The following MSRA variants were observed in gnomAD, a reference collection of about 807,000 sequenced individuals.
The protein encoded by MSRA is mitochondrial peptide methionine sulfoxide reductase.
MSRA carries 54 observed loss-of-function variants against 31.3 expected under a neutral mutation model. That is an observed-to-expected ratio of 1.73 (90% CI 1.39 to 2.17). The LOEUF is 2.17. Among genes scored for constraint, MSRA ranks in the 30% most tolerant of loss-of-function variants. The pLI, the probability that MSRA is intolerant of heterozygous loss-of-function variation, is 0.00. For missense variants in MSRA, 507 were observed against 300.9 expected (o/e 1.69, Z -5.07); for synonymous variants, 169 against 116.5 (o/e 1.45, Z -2.90).
At chr8:10,235,650 A>G (rs77646964) in intron 2 of MSRA, among the ~76,000 whole-genome samples, 3,109 of 152,238 alleles carry the variant, frequency 0.02, 48 homozygotes, top group Non-Finnish European at 0.033. Context: ...ATATGAATAC[A>G]TGACAATGAA....
At chr8:10,283,838 C>G (rs7460167) in intron 3 of MSRA, among the ~76,000 whole-genome samples, 1 of 63,632 alleles carries the variant, frequency 1.6e-5, no homozygotes, top group East Asian at 1.1e-3. Context: ...TATATATATA[C>G]ACACACACAC....
intron 1 of MSRA, among the ~76,000 whole-genome samples, chr8:10,194,312 A>G (rs1446844543): frequency 6.6e-6 from 1 of 152,222 alleles, no homozygotes; most frequent in East Asian, 1.9e-4. Context: ...CCTGCCTGTA[A>G]TCCCAGCACT....
chr8:10,400,391 T>C (rs78029011), intron 5 of MSRA, among the ~76,000 whole-genome samples: 12,540 of 151,104 alleles, frequency 0.083, 1,498 homozygotes, highest in African/African-American at 0.26. Context: ...GTGTAGTGTG[T>C]AGTGTGTAGG....
intron 1 of MSRA, among the ~76,000 whole-genome samples, chr8:10,127,177 T>A (rs1478172853): frequency 6.6e-6 from 1 of 152,238 alleles, no homozygotes; most frequent in African/African-American, 2.4e-5. Flanking sequence ...CCTAGAATTT[T>A]TTTTTCTTTA....
intron 2 of MSRA, among the ~76,000 whole-genome samples, chr8:10,236,234 G>A (rs1811925248): frequency 6.6e-6 from 1 of 152,162 alleles, no homozygotes; most frequent in African/African-American, 2.4e-5. Context: ...TCATTATTCA[G>A]CATTGTATGG....
Position 10,183,653 on chromosome 8 carries a change from CTT to C in MSRA, c.143-24178_143-24177del, listed in dbSNP as rs1401513852. On this transcript the variant is annotated intron_variant, in intron 1 of 5. Transcript: ENST00000317173. The stretch of plus-strand genomic sequence containing the variant: ...TCTGGCTAGGTTATTTGTCCCCACA[CTT>C]TCTTTTTTCAATCTTTTTTCCCACT... 7.2e-5 allele frequency among the ~76,000 whole-genome samples: 11 copies of C among 152,274 alleles called. No homozygotes were observed. The South Asian group carries it at 2.3e-3, about 32-fold the overall frequency.
At chr8:10,183,239 C>A (rs568553242) in intron 1 of MSRA, among the ~76,000 whole-genome samples, 1 of 152,298 alleles carries the variant, frequency 6.6e-6, no homozygotes, top group Admixed American at 6.5e-5. Context: ...GCCATTGTCA[C>A]ACTAGGATGT....
At chr8:10,212,785 A>T (rs1477175457) in intron 2 of MSRA, among the ~76,000 whole-genome samples, 2 of 151,848 alleles carry the variant, frequency 1.3e-5, no homozygotes, top group African/African-American at 2.4e-5. Flanking sequence ...AGCCTTTAAA[A>T]CCCTTTGTTC....
intron 1 of MSRA, among the ~76,000 whole-genome samples, chr8:10,088,568 C>G (rs1391525820): frequency 6.6e-6 from 1 of 152,142 alleles, no homozygotes; most frequent in South Asian, 2.1e-4. Flanking sequence ...AACCCCATCT[C>G]TACTAAACAT....
At chr8:10,160,738 C>T (rs928671073) in intron 1 of MSRA, among the ~76,000 whole-genome samples, 1 of 152,040 alleles carries the variant, frequency 6.6e-6, no homozygotes, top group African/African-American at 2.4e-5. Flanking sequence ...CCATCTTGGC[C>T]AGGCAGATCT....
At chr8:10,303,995 G>T (rs1800990447) in intron 4 of MSRA, among the ~76,000 whole-genome samples, 1 of 152,172 alleles carries the variant, frequency 6.6e-6, no homozygotes, top group Non-Finnish European at 1.5e-5. Flanking sequence ...GAGTGCAGTG[G>T]CGTGATCGCG....
chr8:10,247,089 C>T (rs1047067485), intron 3 of MSRA, among the ~76,000 whole-genome samples: 4 of 152,156 alleles, frequency 2.6e-5, no homozygotes, highest in African/African-American at 7.2e-5. Context: ...CTTGTTTGCT[C>T]GAACCCTTTT....
At chr8:10,172,271 C>A (rs981600948) in intron 1 of MSRA, among the ~76,000 whole-genome samples, 13 of 152,170 alleles carry the variant, frequency 8.5e-5, no homozygotes, top group African/African-American at 3.1e-4. Context: ...TCATGGATTC[C>A]AGATCAGCAA....
intron 4 of MSRA, among the ~76,000 whole-genome samples, chr8:10,316,352 C>G (rs989018730): frequency 2.0e-5 from 3 of 152,104 alleles, no homozygotes; most frequent in Admixed American, 6.5e-5. Flanking sequence ...CAGCCTCTCT[C>G]TGAGTGTCAG....
chr8:10,118,991 A>G (rs1490808594), intron 1 of MSRA, among the ~76,000 whole-genome samples: 1 of 152,094 alleles, frequency 6.6e-6, no homozygotes, highest in Non-Finnish European at 1.5e-5. Flanking sequence ...AGCGTTCATG[A>G]AGGCAGGTTC....
intron 3 of MSRA, chr8:10,250,359 T>C (rs917240641): frequency 1.4e-6 from 1 of 697,782 alleles, no homozygotes; most frequent in African/African-American, 1.8e-5. Flanking sequence ...AAATACCCCA[T>C]TTCTGGCAAG....
At chr8:10,058,131 T>A (rs1034813524) in intron 1 of MSRA, among the ~76,000 whole-genome samples, 1 of 152,202 alleles carries the variant, frequency 6.6e-6, no homozygotes, top group Non-Finnish European at 1.5e-5. Context: ...TTACAGTGCT[T>A]TTTTTGGGCA....
intron 5 of MSRA, among the ~76,000 whole-genome samples, chr8:10,417,651 T>C (rs1808547437): frequency 1.5e-5 from 2 of 137,550 alleles, no homozygotes; most frequent in Admixed American, 1.4e-4. Flanking sequence ...TCATTTCACA[T>C]TTTTTTTTTA....
chr8:10,301,888 C>G (rs992843284), intron 4 of MSRA, among the ~76,000 whole-genome samples: 1 of 152,136 alleles, frequency 6.6e-6, no homozygotes, highest in African/African-American at 2.4e-5. Context: ...CAGAGGAAGA[C>G]GCCAGACAAT....
Sources: allele counts gnomAD v4.1 joint callset (sites outside exome capture counted in the v4.1 genomes callset), GRCh38; gene constraint gnomAD v4.1.1; transcripts MANE v1.5; gene names NCBI Gene and HGNC (gene_info 2026-07-23, HGNC 2026-07-21).